FBXO3: variants seen among roughly 807,000 people sequenced by gnomAD.
The protein encoded by FBXO3 is F-box protein 3.
FBXO3 carries 17 observed loss-of-function variants against 64.8 expected under a neutral mutation model. The observed-to-expected ratio is 0.26, with a 90% CI of 0.18 to 0.39. The LOEUF is 0.39. Among genes scored for constraint, FBXO3 ranks in the 10% least tolerant of loss-of-function variants. The pLI, the probability that FBXO3 is intolerant of heterozygous loss-of-function variation, is 1.00. For missense variants in FBXO3, 420 were observed against 589.9 expected (o/e 0.71, Z 2.98); for synonymous variants, 182 against 201.6 (o/e 0.90, Z 0.82).
chr11:33,759,398 G>A (rs1487722982), intron 3 of FBXO3, among the ~76,000 whole-genome samples: 2 of 152,158 alleles, frequency 1.3e-5, no homozygotes, highest in African/African-American at 4.8e-5. Flanking sequence ...GGGCTAGAGG[G>A]CAAAACAAAC....
intron 3 of FBXO3, among the ~76,000 whole-genome samples, chr11:33,764,924 A>G (rs936310187): frequency 1.2e-4 from 18 of 152,362 alleles, no homozygotes; most frequent in African/African-American, 4.3e-4. Context: ...CAGTGAGCCA[A>G]GATCATGCCA....
At chr11:33,752,868 T>TA (rs914240409) in intron 6 of FBXO3, among the ~76,000 whole-genome samples, 6 of 152,026 alleles carry the variant, frequency 3.9e-5, no homozygotes, top group African/African-American at 9.7e-5. Context: ...GTGGTTTGCA[T>TA]AAAAAAAATT....
intron 3 of FBXO3, among the ~76,000 whole-genome samples, chr11:33,764,613 C>T (rs1230735439): frequency 6.6e-6 from 1 of 152,100 alleles, no homozygotes; most frequent in East Asian, 1.9e-4. Context: ...CAAGACGAAG[C>T]TGATTTGAGG....
chr11:33,752,967 T>A (rs1356265165), intron 6 of FBXO3: 5 of 152,230 alleles, frequency 3.3e-5, no homozygotes, highest in Non-Finnish European at 7.3e-5. Context: ...CAGCATTCAC[T>A]ACTAAACTTA....
rs1186544828 is a variant in FBXO3 at position 33,774,476 on chromosome 11, T to C, written c.22A>G (p.Thr8Ala). ...AGCGACTCTAGGGTCAGCGGCGCCG[T>C]CTCGGTCTCCATGGCCGCCATCTTG... Reference protein sequence around the residue: MAAMETETAPLTLESLPT... With the variant: MAAMETEAAPLTLESLPT... Residue 8 changes from threonine (T) to alanine (A), a missense_variant, in exon 1 of 11, where the codon ACG (threonine) becomes GCG (alanine). Coordinates refer to ENST00000265651, the MANE Select transcript of FBXO3 (RefSeq NM_012175.4). The C allele has an allele frequency of 2.5e-6, 4 of 1,581,848 alleles. No individual in the cohort carries two copies. Among genetic ancestry groups the C allele is most frequent in the East Asian group, 2.4e-5 (1 of 41,936 alleles).
intron 4 of FBXO3, chr11:33,756,944 G>A: frequency 2.0e-6 from 1 of 511,958 alleles, no homozygotes; most frequent in South Asian, 1.4e-5. Flanking sequence ...TGCTACCCAG[G>A]TTGGTCTTGA....
intron 3 of FBXO3, among the ~76,000 whole-genome samples, chr11:33,760,622 G>A (rs1363772385): frequency 2.0e-5 from 3 of 152,172 alleles, no homozygotes; most frequent in Admixed American, 2.0e-4. Context: ...TCCAGCCTGG[G>A]CAACAAAGCA....
chr11:33,748,882 A>C lies in FBXO3; in HGVS notation c.943T>G (p.Ser315Ala), dbSNP rs1349320709. Residue 315 changes from serine (S) to alanine (A), a missense_variant, in exon 9 of 11, where the codon TCA becomes GCA. This residue lies in a region of FBXO3 where 337 missense variants were observed against 518.4 expected (regional missense o/e 0.65). Transcript: ENST00000265651. ...GCCTTCTCAGGAAGTGCATCTTTTG[A>C]CATTTCAATCCTAGAGAAGGGAATG... ...FFTYRIRIEM[S>A]KDALPEKACQ... 6.2e-7 allele frequency: 1 copy of C among 1,612,092 alleles called. No individual in the cohort carries two copies. Among genetic ancestry groups the C allele is most frequent in the Admixed American group, 1.7e-5 (1 of 59,996 alleles).
At chr11:33,744,732 T>C (rs1854773060) in intron 10 of FBXO3, 1 of 152,162 alleles carries the variant, frequency 6.6e-6, no homozygotes, top group Non-Finnish European at 1.5e-5. Flanking sequence ...CGAAAACTAA[T>C]AAGAAAGAAC....
intron 2 of FBXO3, among the ~76,000 whole-genome samples, chr11:33,770,287 A>T (rs945752811): frequency 2.0e-5 from 3 of 152,196 alleles, no homozygotes; most frequent in Non-Finnish European, 4.4e-5. Flanking sequence ...ACTCCACTTA[A>T]TCTAAGAAAA....
intron 10 of FBXO3, chr11:33,746,113 T>A (rs574895018): frequency 6.6e-6 from 1 of 152,382 alleles, no homozygotes; most frequent in South Asian, 2.1e-4. Context: ...AATTCAAATT[T>A]CAAAATTTTC....
At chr11:33,749,679 ACT>A (rs1564987051) in intron 8 of FBXO3, among the ~76,000 whole-genome samples, 2 of 151,932 alleles carry the variant, frequency 1.3e-5, no homozygotes, top group Admixed American at 6.6e-5. Flanking sequence ...TTACACTTTG[ACT>A]CTGTTTCCCA....
At chr11:33,771,864 TAGGA>T (rs1855518977) in intron 1 of FBXO3, 1 of 152,166 alleles carries the variant, frequency 6.6e-6, no homozygotes, top group Non-Finnish European at 1.5e-5. Context: ...TCCACTGCCC[TAGGA>T]GCTAAATGAC....
intron 10 of FBXO3, chr11:33,745,611 TC>T (rs1854795960): frequency 6.6e-6 from 1 of 152,108 alleles, no homozygotes; most frequent in South Asian, 2.1e-4. Context: ...ACAAGGGAAA[TC>T]TGACACTATT....
At chr11:33,763,411 C>A in intron 3 of FBXO3, 1 of 221,640 alleles carries the variant, frequency 4.5e-6, no homozygotes, top group South Asian at 5.8e-5. Flanking sequence ...ATATTACAAT[C>A]AAAGTAGGAT....
intron 3 of FBXO3, among the ~76,000 whole-genome samples, chr11:33,766,906 G>A (rs1479432718): frequency 6.6e-6 from 1 of 151,114 alleles, no homozygotes; most frequent in East Asian, 1.9e-4. Context: ...AGTAAAACAG[G>A]AGCTGTCAAG....
At chr11:33,756,505 A>G (rs979062942) in intron 4 of FBXO3, among the ~76,000 whole-genome samples, 1 of 152,202 alleles carries the variant, frequency 6.6e-6, no homozygotes, top group Admixed American at 6.5e-5. Flanking sequence ...CCTTGATGAG[A>G]TTCCTAAGTC....
In FBXO3 at chr11:33,741,774, G is replaced by T; in HGVS notation, c.*134C>A. ...CCAATTCCTAATGTAGTGTCACATAGAACCCAGGGCCTGAAACAATATTTC... is the reference window on the plus strand; with the variant it reads ...CCAATTCCTAATGTAGTGTCACATATAACCCAGGGCCTGAAACAATATTTC... On this transcript the variant is annotated 3_prime_UTR_variant, in exon 11 of 11. Transcript: ENST00000265651. The T allele has an allele frequency of 1.2e-6, 1 of 853,666 alleles. No individual in the cohort carries two copies. Among genetic ancestry groups the T allele is most frequent in the Non-Finnish European group, 1.6e-6 (1 of 613,780 alleles). 52.9% of individuals were successfully genotyped at this position (853,666 alleles called of 1,614,324 possible).
chr11:33,748,963 A>G (rs1373306877), intron 8 of FBXO3, 71 bp from the exon 9 acceptor site: 1 of 959,602 alleles, frequency 1.0e-6, no homozygotes, highest in Admixed American at 2.0e-5. Flanking sequence ...GAGATACAGT[A>G]TTCAGGCTAA....
Sources: gnomAD v4.1 joint callset for allele counts (sites outside exome capture counted in the v4.1 genomes callset) on GRCh38, gnomAD v4.1.1 for gene constraint, gnomAD v4.1.1 regional missense constraint, MANE v1.5 for transcripts, NCBI Gene and HGNC (gene_info 2026-07-23, HGNC 2026-07-21) for gene names.